The following PDCD1 variants were observed in gnomAD, a reference collection of about 807,000 sequenced individuals.
PDCD1 encodes the protein programmed cell death protein 1.
In PDCD1, 10 loss-of-function variants were observed where a neutral mutation model predicts 23.6. The ratio of observed to expected loss-of-function variants is 0.42; its 90% CI spans 0.26 to 0.72. The LOEUF (loss-of-function observed/expected upper bound fraction) is 0.72. PDCD1 is among the 30% of genes least tolerant of loss of function. The probability of loss-of-function intolerance (pLI) is 0.24; values close to 1 mark genes in which losing one functional copy is unlikely to be tolerated. For synonymous variants in PDCD1, 168 were observed against 169.3 expected (o/e 0.99, Z 0.06); for missense variants, 313 against 397.8 (o/e 0.79, Z 1.81).
intron 1 of PDCD1, among the ~76,000 whole-genome samples, chr2:241,853,300 TCCCCAG>T (rs1288717627): frequency 6.6e-6 from 1 of 152,200 alleles, no homozygotes; most frequent in African/African-American, 2.4e-5. Context: ...GGGCTACCCA[TCCCCAG>T]CCCCTGACCC....
At chr2:241,851,606 T>A (rs1423911148) in intron 4 of PDCD1, among the ~76,000 whole-genome samples, 2 of 151,908 alleles carry the variant, frequency 1.3e-5, no homozygotes, top group Non-Finnish European at 2.9e-5. Flanking sequence ...CCCTCGCAGG[T>A]GGGCACACGC....
chr2:241,852,755 G>A lies in PDCD1; in HGVS notation c.302C>T (p.Pro101Leu), dbSNP rs371902970. 2.5e-6 allele frequency: 4 copies of A among 1,613,924 alleles called. No individual in the cohort carries two copies. In the African/African-American group the frequency reaches 5.3e-5, roughly 22 times the overall value. Reference protein sequence around the residue: ...QDCRFRVTQLPNGRDFHMSVV... With the variant: ...QDCRFRVTQLLNGRDFHMSVV... Reference sequence around the variant, plus strand: ...GCTCATGTGGAAGTCACGCCCGTTGGGCAGTTGTGTGACACGGAAGCGGCA... The same window carrying A: ...GCTCATGTGGAAGTCACGCCCGTTGAGCAGTTGTGTGACACGGAAGCGGCA... Residue 101 changes from proline (P) to leucine (L), a missense_variant, in exon 2 of 5, where the codon CCC (proline) becomes CTC (leucine). Around this residue, in one of 3 missense-constraint regions of PDCD1, gnomAD observed 135 missense variants for 166.9 expected, o/e 0.81. Transcript: ENST00000334409.
intron 1 of PDCD1, among the ~76,000 whole-genome samples, chr2:241,854,939 C>T (rs1482860922): frequency 6.6e-6 from 1 of 152,218 alleles, no homozygotes; most frequent in Non-Finnish European, 1.5e-5. Context: ...TCCCTGGGAC[C>T]ATCTGTGCAT....
chr2:241,857,308 C>T (rs1192895422), intron 1 of PDCD1, among the ~76,000 whole-genome samples: 3 of 152,194 alleles, frequency 2.0e-5, no homozygotes, highest in East Asian at 1.9e-4. Context: ...GTGGGGAAAC[C>T]GAGGCATGCC....
intron 3 of PDCD1, 61 bp from the exon 4 acceptor site, chr2:241,852,044 G>GA (rs1193174609): frequency 6.7e-7 from 1 of 1,486,338 alleles, no homozygotes; most frequent in African/African-American, 1.5e-5. Flanking sequence ...TAGGTGGGGG[G>GA]TCTTAGTCCA....
Position 241,850,693 on chromosome 2 carries a change from G to C in PDCD1, c.*365C>G. 1 of 537,354 alleles carries C rather than the reference G, an allele frequency of 1.9e-6. No individual in the cohort carries two copies. Among genetic ancestry groups the C allele is most frequent in the Non-Finnish European group, 3.5e-6 (1 of 287,266 alleles). 33.3% of individuals were successfully genotyped at this position (537,354 alleles called of 1,614,324 possible). ...GCAGGAGGCTCCGGGGCGTCAGGCAGGGCCACGGCGCCTTCAGCCCCGGGC... is the reference window on the plus strand; with the variant it reads ...GCAGGAGGCTCCGGGGCGTCAGGCACGGCCACGGCGCCTTCAGCCCCGGGC... On this transcript the variant is annotated 3_prime_UTR_variant, in exon 5 of 5. Coordinates refer to ENST00000334409, the MANE Select transcript of PDCD1 (RefSeq NM_005018.3).
intron 1 of PDCD1, among the ~76,000 whole-genome samples, chr2:241,854,357 C>A (rs1700968841): frequency 6.6e-6 from 1 of 152,222 alleles, no homozygotes; most frequent in Non-Finnish European, 1.5e-5. Flanking sequence ...CTGAGGTGAG[C>A]CCCCTCTCTG....
intron 3 of PDCD1, 61 bp downstream of exon 3, chr2:241,852,137 G>A (rs1159491806): frequency 6.4e-6 from 10 of 1,555,308 alleles, no homozygotes; most frequent in African/African-American, 2.7e-5. Context: ...AAGGGGAGGC[G>A]GGAGTGAGGG....
Position 241,852,058 on chromosome 2 carries a change from G to T in PDCD1, c.593-75C>A, listed in dbSNP as rs950535199. ...CTAGGTGGGGGGTCTTAGTCCAGGGGCCTTCATCAGGGACTTAGCCTGGCG... is the reference window on the plus strand; with the variant it reads ...CTAGGTGGGGGGTCTTAGTCCAGGGTCCTTCATCAGGGACTTAGCCTGGCG... On this transcript the variant is annotated intron_variant, in intron 3 of 4. Coordinates refer to ENST00000334409, the MANE Select transcript of PDCD1 (RefSeq NM_005018.3). 5 of 1,288,760 alleles carry T rather than the reference G, an allele frequency of 3.9e-6. No homozygotes were observed. The African/African-American group carries it at 4.9e-5, about 13-fold the overall frequency. 79.8% of individuals were successfully genotyped at this position (1,288,760 alleles called of 1,614,324 possible). A position where few individuals can be genotyped will look rare whatever the true frequency, so the allele number is the denominator to read the frequency against.
At chr2:241,854,789 A>T (rs1187370100) in intron 1 of PDCD1, among the ~76,000 whole-genome samples, 1 of 152,188 alleles carries the variant, frequency 6.6e-6, no homozygotes, top group African/African-American at 2.4e-5. Context: ...GTCGGGACAG[A>T]CAGGCAGGTG....
At chr2:241,857,622 C>T (rs1701053213) in intron 1 of PDCD1, among the ~76,000 whole-genome samples, 1 of 152,202 alleles carries the variant, frequency 6.6e-6, no homozygotes, top group East Asian at 1.9e-4. Context: ...GAGTGACCCA[C>T]GGGCCAACCT....
chr2:241,857,927 G>A (rs1701060563), intron 1 of PDCD1, among the ~76,000 whole-genome samples: 2 of 152,036 alleles, frequency 1.3e-5, no homozygotes, highest in Non-Finnish European at 2.9e-5. Context: ...GCATCCCCAG[G>A]TGCAGGCTGG....
chr2:241,854,874 G>A (rs1700988456), intron 1 of PDCD1, among the ~76,000 whole-genome samples: 1 of 152,226 alleles, frequency 6.6e-6, no homozygotes, highest in South Asian at 2.1e-4. Flanking sequence ...CCCCCCAGCT[G>A]TAGGGCGAGG....
Position 241,850,788 on chromosome 2 carries a change from C to T in PDCD1, c.*270G>A, listed in dbSNP as rs543637140. On this transcript the variant is annotated 3_prime_UTR_variant, in exon 5 of 5. Transcript: ENST00000334409. Reference sequence around the variant, plus strand: ...GGAGCTGGACGCAGGCAGCTCTGTGCTGGCAGGACCTGAAGCAGTGACTGC... The same window carrying T: ...GGAGCTGGACGCAGGCAGCTCTGTGTTGGCAGGACCTGAAGCAGTGACTGC... 1.3e-5 allele frequency: 8 copies of T among 630,138 alleles called. No individual in the cohort carries two copies. The highest frequency in any genetic ancestry group is 7.5e-5 in the Admixed American group (3 of 39,982). 39.0% of individuals were successfully genotyped at this position (630,138 alleles called of 1,614,324 possible). A position where few individuals can be genotyped will look rare whatever the true frequency, so the allele number is the denominator to read the frequency against.
In PDCD1 at chr2:241,851,079, T is replaced by G; in HGVS notation, c.846A>C (p.Gly282=). 3.1e-6 allele frequency: 5 copies of G among 1,612,618 alleles called. No individual in the cohort carries two copies. Among genetic ancestry groups the G allele is most frequent in the Non-Finnish European group, 4.2e-6 (5 of 1,179,698 alleles). The part of the protein sequence containing the change: ...RSAQPLRPED[G]HCSWPL ...CCGGTCAGAGGGGCCAAGAGCAGTGTCCATCCTCAGGCCTCAGTGGCTGGG... is the reference window on the plus strand; with the variant it reads ...CCGGTCAGAGGGGCCAAGAGCAGTGGCCATCCTCAGGCCTCAGTGGCTGGG... Residue 282 remains glycine, a synonymous_variant, in exon 5 of 5, where the codon GGA becomes GGC. Coordinates refer to ENST00000334409, the MANE Select transcript of PDCD1 (RefSeq NM_005018.3).
chr2:241,851,181 A>T lies in PDCD1; in HGVS notation c.744T>A (p.Tyr248Ter). The part of the protein sequence containing the change: ...PVPCVPEQTE[Y>*]ATIVFPSGMG... Reference sequence around the variant, plus strand: ...TTCCGCTAGGAAAGACAATGGTGGCATACTCCGTCTGCTCAGGGACACAGG... The same window carrying T: ...TTCCGCTAGGAAAGACAATGGTGGCTTACTCCGTCTGCTCAGGGACACAGG... Residue 248 changes from tyrosine (Y) to a stop codon, truncating the protein, a stop_gained, in exon 5 of 5, where the codon TAT (tyrosine) becomes TAA (stop). Coordinates refer to ENST00000334409, the MANE Select transcript of PDCD1 (RefSeq NM_005018.3). LOFTEE classifies it low-confidence loss of function (END_TRUNC). The T allele has an allele frequency of 1.2e-6, 2 of 1,613,560 alleles. No individual in the cohort carries two copies. Among genetic ancestry groups the T allele is most frequent in the Non-Finnish European group, 1.7e-6 (2 of 1,179,954 alleles).
chr2:241,851,617 A>T (rs1700904056), intron 4 of PDCD1, among the ~76,000 whole-genome samples: 1 of 151,938 alleles, frequency 6.6e-6, no homozygotes. Context: ...GGGCACACGC[A>T]TGGGCCGGGC....
rs766001216 is a variant in PDCD1, at chr2:241,852,362, G to T, written c.437-9C>A. Reference sequence around the variant, plus strand: ...CACTTCTGCCCTTCTCTCTGGAAGGGCACAAAGGTCAGGGGTTAGGACGGG... The same window carrying T: ...CACTTCTGCCCTTCTCTCTGGAAGGTCACAAAGGTCAGGGGTTAGGACGGG... On this transcript the variant is annotated splice_polypyrimidine_tract_variant and intron_variant, in intron 2 of 4. Transcript: ENST00000334409. The T allele has an allele frequency of 2.6e-6, 4 of 1,549,818 alleles. No homozygotes were observed. The highest frequency in any genetic ancestry group is 3.5e-6 in the Non-Finnish European group (4 of 1,128,202).
Position 241,850,940 on chromosome 2 carries a change from C to A in PDCD1, c.*118G>T, listed in dbSNP as rs942552627. On this transcript the variant is annotated 3_prime_UTR_variant, in exon 5 of 5. Transcript: ENST00000334409. ...GGCTGGAGCCCCGGTCGCCCCCAGG[C>A]AGCTCAGCCCCTGGACGGCCTGCAA... is the stretch of plus-strand genomic sequence containing the variant. The A allele has an allele frequency of 3.7e-6, 5 of 1,346,142 alleles. No homozygotes were observed. In the African/African-American group the frequency reaches 5.9e-5, roughly 16 times the overall value. The allele number at this position is 1,346,142 out of a possible 1,614,324, so 83.4% of individuals were successfully genotyped here. A position where few individuals can be genotyped will look rare whatever the true frequency, so the allele number is the denominator to read the frequency against.
Sources: allele counts gnomAD v4.1 joint callset (sites outside exome capture counted in the v4.1 genomes callset), GRCh38; gene constraint gnomAD v4.1.1; regional missense constraint gnomAD v4.1.1; transcripts MANE v1.5; gene names NCBI Gene and HGNC (gene_info 2026-07-23, HGNC 2026-07-21).